The following ITCH variants were observed in gnomAD, a reference collection of about 807,000 sequenced individuals.
The protein encoded by ITCH is E3 ubiquitin-protein ligase Itchy homolog.
ITCH carries 28 observed loss-of-function variants against 126.8 expected under a neutral mutation model. The observed-to-expected ratio is 0.22, with a 90% CI of 0.16 to 0.30. The LOEUF (loss-of-function observed/expected upper bound fraction) is 0.30, where lower values mean the gene tolerates loss of function less well. ITCH is among the 10% of genes least tolerant of loss of function. ITCH has a pLI of 1.00. For synonymous variants in ITCH, 342 were observed against 340.0 expected, an observed-to-expected ratio of 1.01 and a Z score of -0.06; for missense variants, 631 against 1,032.4, an observed-to-expected ratio of 0.61 and a Z score of 5.33.
intron 3 of ITCH, among the ~76,000 whole-genome samples, chr20:34,403,646 G>GT (rs1319706767): frequency 2.0e-5 from 3 of 152,060 alleles, no homozygotes; most frequent in Non-Finnish European, 2.9e-5. Flanking sequence ...GTAAAAACTA[G>GT]TAAGACAAAA....
At chr20:34,401,635 T>C (rs922473920) in intron 3 of ITCH, 4 of 982,716 alleles carry the variant, frequency 4.1e-6, no homozygotes, top group Admixed American at 6.2e-5. Context: ...GAACATGTTT[T>C]CTCAACTAGA....
chr20:34,434,747 G>A (rs547640318), intron 7 of ITCH, among the ~76,000 whole-genome samples: 1 of 152,264 alleles, frequency 6.6e-6, no homozygotes, highest in East Asian at 1.9e-4. Context: ...AGATGGAAAA[G>A]GTTTGCAAGG....
intron 3 of ITCH, among the ~76,000 whole-genome samples, chr20:34,404,676 G>A (rs2038995964): frequency 6.6e-6 from 1 of 152,114 alleles, no homozygotes; most frequent in African/African-American, 2.4e-5. Flanking sequence ...GACTTCCAAA[G>A]TGCTGGGATT....
chr20:34,493,587 G>C (rs1989662613), intron 23 of ITCH, among the ~76,000 whole-genome samples: 1 of 152,324 alleles, frequency 6.6e-6, no homozygotes, highest in African/African-American at 2.4e-5. Flanking sequence ...AGAAAATGAA[G>C]TATAAGAGAG....
chr20:34,387,949 C>T (rs1318748735), intron 2 of ITCH, among the ~76,000 whole-genome samples: 4 of 152,080 alleles, frequency 2.6e-5, no homozygotes, highest in Admixed American at 6.5e-5. Flanking sequence ...GTGATCCACC[C>T]GCCTCGGCCT....
intron 7 of ITCH, among the ~76,000 whole-genome samples, 177 bp from the exon 8 acceptor site, chr20:34,438,297 T>C (rs1983287363): frequency 6.6e-6 from 1 of 152,208 alleles, no homozygotes; most frequent in African/African-American, 2.4e-5. Flanking sequence ...CTGGGGGTTA[T>C]ATAGGATTCT....
chr20:34,450,257 A>AT, intron 12 of ITCH, among the ~76,000 whole-genome samples: 1 of 152,286 alleles, frequency 6.6e-6, no homozygotes, highest in East Asian at 1.9e-4. Flanking sequence ...TTTTTGTGCA[A>AT]TTTTTTACAT....
At chr20:34,385,069 C>T (rs2038221984) in intron 2 of ITCH, among the ~76,000 whole-genome samples, 2 of 151,258 alleles carry the variant, frequency 1.3e-5, no homozygotes, top group Admixed American at 1.3e-4. Flanking sequence ...GGTTGGAGTG[C>T]AGTGGTGTGA....
At chr20:34,493,665 A>T (rs2146523878) in intron 23 of ITCH, among the ~76,000 whole-genome samples, 1 of 152,326 alleles carries the variant, frequency 6.6e-6, no homozygotes, top group Non-Finnish European at 1.5e-5. Flanking sequence ...TATAAAGAGT[A>T]TGCATCGTTG....
At chr20:34,470,161 T>C in intron 15 of ITCH, 41 bp downstream of exon 15, 1 of 1,398,600 alleles carries the variant, frequency 7.2e-7, no homozygotes, top group Non-Finnish European at 9.9e-7. Context: ...CTTAACTTTG[T>C]TGTGTTGCTT....
chr20:34,486,325 CT>C (rs75327787), intron 20 of ITCH, among the ~76,000 whole-genome samples: 283 of 144,558 alleles, frequency 2.0e-3, no homozygotes, highest in Admixed American at 2.4e-3. Context: ...CAGTCCACAC[CT>C]TTTTTTTTTT....
Position 34,489,267 on chromosome 20 carries a change from A to G in ITCH, c.2095A>G (p.Met699Val). The G allele has an allele frequency of 6.2e-7, 1 of 1,613,536 alleles. No individual in the cohort carries two copies. The highest frequency in any genetic ancestry group is 8.5e-7 in the Non-Finnish European group (1 of 1,179,574). Residue 699 changes from methionine to valine, a missense_variant and splice_region_variant, in exon 21 of 25, where the codon ATG becomes GTG. By Grantham distance (21) the Met-to-Val change is conservative. Coordinates refer to ENST00000374864, the MANE Select transcript of ITCH (RefSeq NM_031483.7). ...TEENKEEYIR[M>V]VAEWRLSRGV... ...GGTTTTTTCATATTTGTTTGCCAGA[A>G]TGGTAGCTGAGTGGAGGTTGTCTCG...
At chr20:34,462,917 T>C (rs1027564736) in intron 14 of ITCH, among the ~76,000 whole-genome samples, 1 of 152,272 alleles carries the variant, frequency 6.6e-6, no homozygotes, top group Non-Finnish European at 1.5e-5. Context: ...TTATCCGTGT[T>C]GTAATATGTA....
At chr20:34,498,782 C>CT (rs377430689) in intron 23 of ITCH, among the ~76,000 whole-genome samples, 174 of 150,682 alleles carry the variant, frequency 1.2e-3, no homozygotes, top group Middle Eastern at 6.8e-3. Context: ...TCTTTTCCTC[C>CT]TTTTTTTTTG....
intron 22 of ITCH, among the ~76,000 whole-genome samples, chr20:34,490,650 A>G (rs1989446852): frequency 6.6e-6 from 1 of 152,190 alleles, no homozygotes; most frequent in Non-Finnish European, 1.5e-5. Flanking sequence ...CTCAAAAACA[A>G]AAACAACACA....
chr20:34,476,353 C>T (rs1988222984), intron 16 of ITCH: 8 of 1,342,436 alleles, frequency 6.0e-6, no homozygotes, highest in Non-Finnish European at 8.1e-6. Flanking sequence ...GCCCGGTCCC[C>T]GGCTCCTCAG....
Position 34,479,705 on chromosome 20 carries a change from C to G in ITCH, c.1734C>G (p.Asn578Lys). Residue 578 changes from asparagine to lysine, a missense_variant, in exon 18 of 25, where the codon AAC (asparagine) becomes AAG (lysine). This residue lies in a region of ITCH where 390 missense variants were observed against 731.6 expected (regional missense o/e 0.53). Transcript: ENST00000374864. ...TGTTTGAATATGCAGGGAAGGATAA[C>G]TACTGCTTGCAGATAAACCCCGCTT... ...YCLFEYAGKD[N>K]YCLQINPASY... The G allele has an allele frequency of 3.1e-6, 5 of 1,613,696 alleles. No individual in the cohort carries two copies. The highest frequency in any genetic ancestry group is 4.2e-6 in the Non-Finnish European group (5 of 1,179,620).
chr20:34,506,750 G>C (rs1228628145), intron 24 of ITCH, among the ~76,000 whole-genome samples: 1 of 152,096 alleles, frequency 6.6e-6, no homozygotes, highest in African/African-American at 2.4e-5. Flanking sequence ...CCTTTCCCCA[G>C]GTCCTGGCAA....
chr20:34,440,170 C>T lies in ITCH; in HGVS notation c.695C>T (p.Ser232Leu). The T allele has an allele frequency of 6.2e-7, 1 of 1,612,126 alleles. No individual in the cohort carries two copies. Among genetic ancestry groups the T allele is most frequent in the Non-Finnish European group, 8.5e-7 (1 of 1,178,196 alleles). ...TPRRPASVNG[S>L]PSATSESDGS... ...TCTTTTATAGCATCTGTCAATGGTT[C>T]ACCATCTGCCACTTCTGAAAGTGAT... is the stretch of plus-strand genomic sequence containing the variant. Residue 232 changes from serine to leucine, a missense_variant, in exon 9 of 25, where the codon TCA becomes TTA. By Grantham distance (145) the Ser-to-Leu change is moderately radical (BLOSUM62 -2). Around this residue, in one of 4 missense-constraint regions of ITCH, gnomAD observed 220 missense variants for 265.7 expected, o/e 0.83. Transcript: ENST00000374864.
Sources: gnomAD v4.1 joint callset for allele counts (sites outside exome capture counted in the v4.1 genomes callset) on GRCh38, gnomAD v4.1.1 for gene constraint, gnomAD v4.1.1 regional missense constraint, MANE v1.5 for transcripts, NCBI Gene and HGNC (gene_info 2026-07-23, HGNC 2026-07-21) for gene names.